Variants in ARPIN observed in about 807,000 individuals in gnomAD.
ARPIN encodes the protein UPF0552 protein C15orf38.
In ARPIN, 23 loss-of-function variants were observed where a neutral mutation model predicts 25.9. That is an observed-to-expected ratio of 0.89 (90% CI 0.64 to 1.26). The LOEUF (loss-of-function observed/expected upper bound fraction) is 1.26. Among genes scored for constraint, ARPIN ranks in the 50% most tolerant of loss-of-function variants. The pLI is 0.00. For missense variants in ARPIN, 333 were observed against 312.2 expected (o/e 1.07, Z -0.50); for synonymous variants, 126 against 131.4 (o/e 0.96, Z 0.28).
chr15:89,906,986 C>T (rs988755682), intron 3 of ARPIN, among the ~76,000 whole-genome samples: 1 of 151,774 alleles, frequency 6.6e-6, no homozygotes, highest in Non-Finnish European at 1.5e-5. Flanking sequence ...AAAAAAAAGT[C>T]AAACTCAGCT....
chr15:89,905,456 G>GTC (rs759169514), intron 3 of ARPIN, among the ~76,000 whole-genome samples: 1 of 152,072 alleles, frequency 6.6e-6, no homozygotes, highest in South Asian at 2.1e-4. Context: ...CTGAGGACCT[G>GTC]TCTCTCTCTC....
intron 3 of ARPIN, 109 bp downstream of exon 3, chr15:89,908,171 A>G (rs1446752736): frequency 1.3e-6 from 2 of 1,529,344 alleles, no homozygotes; most frequent in Non-Finnish European, 1.8e-6. Context: ...GGGCTTCAAC[A>G]TCAAGAGGGC....
At position 89,904,095 on chromosome 15, in the gene ARPIN, G is replaced by T. The variant is rs116565844; in HGVS notation, c.302-112C>A. 1.7e-3 allele frequency: 2,272 copies of T among 1,322,222 alleles called. 40 individuals are homozygous for T. The African/African-American group carries it at 0.029, about 17-fold the overall frequency. 81.9% of individuals were successfully genotyped at this position (1,322,222 alleles called of 1,614,324 possible). A position where few individuals can be genotyped will look rare whatever the true frequency, so the allele number is the denominator to read the frequency against. Reference sequence around the variant, plus strand: ...TGTTTCCAAGCTCAGTCACCCGGAGGCTGGGACTCAGTGCCCATTCTGCGA... The same window carrying T: ...TGTTTCCAAGCTCAGTCACCCGGAGTCTGGGACTCAGTGCCCATTCTGCGA... On this transcript the variant is annotated intron_variant, in intron 3 of 5. Transcript: ENST00000357484.
At chr15:89,904,091 G>A (rs1404334128) in intron 3 of ARPIN, 108 bp from the exon 4 acceptor site, 19 of 1,345,006 alleles carry the variant, frequency 1.4e-5, no homozygotes, top group South Asian at 8.8e-5. Context: ...TCAGTCACCC[G>A]GAGGCTGGGA....
At position 89,911,545 on chromosome 15, in the gene ARPIN, A is replaced by G. The variant is rs181204868; in HGVS notation, c.93-726T>C. Among the ~76,000 whole-genome samples, 607 of 152,324 alleles carry G rather than the reference A, an allele frequency of 4.0e-3. 3 individuals carry two copies. Among genetic ancestry groups the G allele is most frequent in the Middle Eastern group, 0.017 (5 of 294 alleles). Reference sequence around the variant, plus strand: ...CAGTGGAATAGGGATGGGAGTGGGAAGTGAAAACTCTACCTAGCTGGTCTC... The same window carrying G: ...CAGTGGAATAGGGATGGGAGTGGGAGGTGAAAACTCTACCTAGCTGGTCTC... On this transcript the variant is annotated intron_variant, in intron 1 of 5. Coordinates refer to ENST00000357484, the MANE Select transcript of ARPIN (RefSeq NM_182616.4).
intron 1 of ARPIN, 141 bp from the exon 2 acceptor site, chr15:89,910,960 A>C: frequency 5.0e-6 from 5 of 1,003,720 alleles, no homozygotes; most frequent in Admixed American, 2.3e-5. Flanking sequence ...GGGATCTCCA[A>C]AGGGTCCCAA....
intron 1 of ARPIN, chr15:89,912,490 G>A: frequency 7.8e-7 from 1 of 1,275,598 alleles, no homozygotes; most frequent in East Asian, 3.3e-5. Flanking sequence ...AGACCTGTCT[G>A]GGGGTCGGGA....
chr15:89,912,888 C>A lies in ARPIN; in HGVS notation c.-53G>T. 6.8e-7 allele frequency: 1 copy of A among 1,469,168 alleles called. No individual in the cohort carries two copies. Among genetic ancestry groups the A allele is most frequent in the Non-Finnish European group, 9.0e-7 (1 of 1,116,918 alleles). The allele number at this position is 1,469,168 out of a possible 1,614,324, so 91.0% of individuals were successfully genotyped here. A position where few individuals can be genotyped will look rare whatever the true frequency, so the allele number is the denominator to read the frequency against. ...CAGAGCCGGCGCACTGGGCTGGGGG[C>A]GCGGCGCGGGAAGTGCTGCAGGACG... On this transcript the variant is annotated 5_prime_UTR_variant, in exon 1 of 6. Coordinates refer to ENST00000357484, the MANE Select transcript of ARPIN (RefSeq NM_182616.4).
intron 5 of ARPIN, among the ~76,000 whole-genome samples, chr15:89,902,564 C>T (rs936495888): frequency 6.6e-6 from 1 of 152,000 alleles, no homozygotes; most frequent in African/African-American, 2.4e-5. Flanking sequence ...ATTAGCCAGG[C>T]GTGGTGATGC....
At position 89,901,187 on chromosome 15, in the gene ARPIN, TGAGG is replaced by T; in HGVS notation, c.*604_*607del. The T allele has an allele frequency of 6.4e-6, 1 of 156,796 alleles. No individual in the cohort carries two copies. Among genetic ancestry groups the T allele is most frequent in the Admixed American group, 6.3e-5 (1 of 15,776 alleles). 9.7% of individuals were successfully genotyped at this position (156,796 alleles called of 1,614,324 possible). ...TAGTACAGGCTACAACACAGAGTGC[TGAGG>T]AAGGGGTGGGTGGGGAAGGAAAGCA... On this transcript the variant is annotated 3_prime_UTR_variant, in exon 6 of 6. Transcript: ENST00000357484.
At chr15:89,902,794 G>A (rs1381065454) in intron 5 of ARPIN, 1 of 1,030,906 alleles carries the variant, frequency 9.7e-7, no homozygotes, top group African/African-American at 1.7e-5. Context: ...AGAAAAACCA[G>A]TAAGGACCAG....
At chr15:89,905,640 G>C (rs750424589) in intron 3 of ARPIN, among the ~76,000 whole-genome samples, 3 of 152,200 alleles carry the variant, frequency 2.0e-5, no homozygotes, top group Middle Eastern at 3.4e-3. Context: ...CCCACTGCTA[G>C]CTCCTCACGC....
In ARPIN at chr15:89,896,393, C is replaced by T. The variant is rs1291285035; in HGVS notation, c.*5402G>A. The T allele has an allele frequency of 2.0e-5, 3 of 152,032 alleles. No homozygotes were observed. Among genetic ancestry groups the T allele is most frequent in the Admixed American group, 1.3e-4 (2 of 15,264 alleles). The allele number at this position is 152,032 out of a possible 1,614,324, so 9.4% of individuals were successfully genotyped here. A position where few individuals can be genotyped will look rare whatever the true frequency, so the allele number is the denominator to read the frequency against. ...ACTGAAATATTATAAATAATTTAGG[C>T]ATAAAATAATTTTAATATGTGATGT... On this transcript the variant is annotated 3_prime_UTR_variant, in exon 6 of 6. Transcript: ENST00000357484.
rs556031103 is a variant in ARPIN at position 89,900,508 on chromosome 15, A to T, written c.*1287T>A. On this transcript the variant is annotated 3_prime_UTR_variant, in exon 6 of 6. Transcript: ENST00000357484. The stretch of plus-strand genomic sequence containing the variant: ...AGCTCTGAGCTTTAGTCTCATGAGA[A>T]AATGGGAATAATAATCAGTACCTCA... 1 of 152,332 alleles carries T rather than the reference A, an allele frequency of 6.6e-6. No individual in the cohort carries two copies. The highest frequency in any genetic ancestry group is 1.9e-4 in the East Asian group (1 of 5,176). The allele number at this position is 152,332 out of a possible 1,614,324, so 9.4% of individuals were successfully genotyped here.
chr15:89,908,906 C>T (rs755973215), intron 2 of ARPIN, among the ~76,000 whole-genome samples: 2 of 152,104 alleles, frequency 1.3e-5, no homozygotes, highest in African/African-American at 2.4e-5. Context: ...TCGCTTGAGC[C>T]CAGGAGGCGG....
chr15:89,901,516 A>T lies in ARPIN; in HGVS notation c.*279T>A. On this transcript the variant is annotated 3_prime_UTR_variant, in exon 6 of 6. Transcript: ENST00000357484. ...CAACATAGTGAGACCTCCATCTCTA[A>T]TTTTTTTTTAAAGGGTCATCATGTA... is the stretch of plus-strand genomic sequence containing the variant. 4.3e-6 allele frequency: 2 copies of T among 468,370 alleles called. No homozygotes were observed. Among genetic ancestry groups the T allele is most frequent in the Non-Finnish European group, 7.7e-6 (2 of 260,930 alleles). The allele number at this position is 468,370 out of a possible 1,614,324, so 29.0% of individuals were successfully genotyped here. A position where few individuals can be genotyped will look rare whatever the true frequency, so the allele number is the denominator to read the frequency against.
At chr15:89,908,698 CTT>C (rs1897170989) in intron 2 of ARPIN, among the ~76,000 whole-genome samples, 1 of 152,046 alleles carries the variant, frequency 6.6e-6, no homozygotes, top group Admixed American at 6.6e-5. Flanking sequence ...AAAACCATAA[CTT>C]GGGCTGGGCA....
rs950969784 is a variant in ARPIN at position 89,898,663 on chromosome 15, G to A, written c.*3132C>T. ...AGGCTGGTCTGAAAGAATCGCCCCA[G>A]AGCTCTTAAGGAGGAAGCGAGCCGA... On this transcript the variant is annotated 3_prime_UTR_variant, in exon 6 of 6. Coordinates refer to ENST00000357484, the MANE Select transcript of ARPIN (RefSeq NM_182616.4). 1.3e-5 allele frequency: 2 copies of A among 152,172 alleles called. No individual in the cohort carries two copies. Among genetic ancestry groups the A allele is most frequent in the African/African-American group, 4.8e-5 (2 of 41,432 alleles). 9.4% of individuals were successfully genotyped at this position (152,172 alleles called of 1,614,324 possible).
Position 89,900,090 on chromosome 15 carries a change from C to A in ARPIN, c.*1705G>T, listed in dbSNP as rs1348713924. ...TCTAAAGACACTGGGTGACTCTACC[C>A]CCAGTCAGTGTCCCCAGCTATCCTT... On this transcript the variant is annotated 3_prime_UTR_variant, in exon 6 of 6. Transcript: ENST00000357484. 6.6e-6 allele frequency: 1 copy of A among 152,284 alleles called. No individual in the cohort carries two copies. The highest frequency in any genetic ancestry group is 1.5e-5 in the Non-Finnish European group (1 of 68,118). The allele number at this position is 152,284 out of a possible 1,614,324, so 9.4% of individuals were successfully genotyped here. A position where few individuals can be genotyped will look rare whatever the true frequency, so the allele number is the denominator to read the frequency against.
Sources: gnomAD v4.1 joint callset for allele counts (sites outside exome capture counted in the v4.1 genomes callset) on GRCh38, gnomAD v4.1.1 for gene constraint, MANE v1.5 for transcripts, NCBI Gene and HGNC (gene_info 2026-07-23, HGNC 2026-07-21) for gene names.